CAAP1: variants seen among roughly 807,000 people sequenced by gnomAD.
CAAP1 encodes conserved anti-apoptotic protein.
Under a neutral mutation model 34.0 loss-of-function variants are expected in CAAP1, and 20 were observed. The observed-to-expected ratio is 0.59, with a 90% CI of 0.41 to 0.86. The LOEUF is 0.86. CAAP1 is among the 40% of genes least tolerant of loss of function. The probability of loss-of-function intolerance (pLI) is 0.00; values close to 1 mark genes in which losing one functional copy is unlikely to be tolerated. For missense variants in CAAP1, 538 were observed against 450.5 expected (o/e 1.19, Z -1.76); for synonymous variants, 213 against 166.7 (o/e 1.28, Z -2.14).
At chr9:26,869,251 C>T (rs899040027) in intron 4 of CAAP1, among the ~76,000 whole-genome samples, 15 of 151,926 alleles carry the variant, frequency 9.9e-5, no homozygotes, top group Admixed American at 6.6e-4. Flanking sequence ...TTTTATTTAA[C>T]TCAGATAGAA....
At chr9:26,842,724 A>C in intron 5 of CAAP1, 77 bp from the exon 6 acceptor site, 1 of 1,262,826 alleles carries the variant, frequency 7.9e-7, no homozygotes, top group Non-Finnish European at 1.1e-6. Context: ...TATAATTTAA[A>C]AACTGCTTTG....
chr9:26,869,023 AT>A (rs1231036625), intron 4 of CAAP1, among the ~76,000 whole-genome samples: 1 of 152,188 alleles, frequency 6.6e-6, no homozygotes, highest in Non-Finnish European at 1.5e-5. Flanking sequence ...AAATATTAAA[AT>A]TAAAAAATTA....
rs11787962 is a variant in CAAP1 at position 26,881,729 on chromosome 9, C to T, written c.665+3081G>A. Among the ~76,000 whole-genome samples, 1,074 of 152,144 alleles carry T rather than the reference C, an allele frequency of 7.1e-3. 6 individuals carry two copies. The highest frequency in any genetic ancestry group is 0.011 in the Non-Finnish European group (782 of 68,018). ...AGTGGGGCACTGCTGTACAAATACA[C>T]GAAAATGTGAAAGTAACTTTGGAAC... On this transcript the variant is annotated intron_variant, in intron 4 of 5. Transcript: ENST00000333916.
chr9:26,872,783 T>C (rs1823312597), intron 4 of CAAP1, among the ~76,000 whole-genome samples: 1 of 152,148 alleles, frequency 6.6e-6, no homozygotes, highest in Non-Finnish European at 1.5e-5. Flanking sequence ...TACTAGATAT[T>C]TAAATATTCT....
chr9:26,880,131 C>A, intron 4 of CAAP1: 1 of 201,086 alleles, frequency 5.0e-6, no homozygotes, highest in South Asian at 6.3e-5. Context: ...TGTAATGTTT[C>A]CCATCACAGT....
In CAAP1 at chr9:26,884,835, T is replaced by C; in HGVS notation, c.640A>G (p.Lys214Glu). 1 of 1,609,712 alleles carries C rather than the reference T, an allele frequency of 6.2e-7. No individual in the cohort carries two copies. The highest frequency in any genetic ancestry group is 8.5e-7 in the Non-Finnish European group (1 of 1,179,262). The stretch of plus-strand genomic sequence containing the variant: ...TGACTGACTAAATCAGATCCCATCT[T>C]AGAACCATCATCTGCTTCCTCTTCC... ...DMEEEADDGS[K>E]MGSDLVSQQD... Residue 214 changes from lysine to glutamate, a missense_variant, in exon 4 of 6, where the codon AAG (lysine) becomes GAG (glutamate). Lys to Glu is a moderately conservative substitution (Grantham distance 56). Around this residue, in one of 3 missense-constraint regions of CAAP1, gnomAD observed 514 missense variants for 408.4 expected, o/e 1.26. Transcript: ENST00000333916.
At chr9:26,845,947 GA>G (rs1210020760) in intron 5 of CAAP1, among the ~76,000 whole-genome samples, 1 of 151,818 alleles carries the variant, frequency 6.6e-6, no homozygotes, top group Non-Finnish European at 1.5e-5. Flanking sequence ...CTTTTTCTTT[GA>G]TATAAAATGG....
rs758688957 is a variant in CAAP1, at chr9:26,842,601, A to G, written c.786T>C (p.Tyr262=). 2.7e-5 allele frequency: 43 copies of G among 1,614,002 alleles called. No individual in the cohort carries two copies. The highest frequency in any genetic ancestry group is 3.5e-5 in the Non-Finnish European group (41 of 1,180,028). ...TGCATGGGCCTTCTATGTCGCTGTCATAAGCATCTGCATTTATACTGAGTA... is the reference window on the plus strand; with the variant it reads ...TGCATGGGCCTTCTATGTCGCTGTCGTAAGCATCTGCATTTATACTGAGTA... The part of the protein sequence containing the change: ...SDVLSINADA[Y]DSDIEGPCNE... The change falls in exon 6 of 6, where the codon TAT becomes TAC. Residue 262 remains tyrosine, a synonymous_variant. Transcript: ENST00000333916.
intron 4 of CAAP1, chr9:26,880,121 T>C (rs1416477701): frequency 2.0e-5 from 4 of 204,864 alleles, no homozygotes; most frequent in Admixed American, 1.2e-4. Flanking sequence ...TTTTAGAGAA[T>C]GTAATGTTTC....
At chr9:26,878,366 T>C (rs770676274) in intron 4 of CAAP1, among the ~76,000 whole-genome samples, 9 of 152,160 alleles carry the variant, frequency 5.9e-5, no homozygotes, top group Non-Finnish European at 1.3e-4. Flanking sequence ...GGTCAATTCC[T>C]TGGCGCTCAG....
chr9:26,875,042 A>G (rs111623328), intron 4 of CAAP1, among the ~76,000 whole-genome samples: 1,941 of 152,294 alleles, frequency 0.013, 43 homozygotes, highest in African/African-American at 0.044. Context: ...ACACACACGT[A>G]TATGTACACC....
rs186658194 is a variant in CAAP1, at chr9:26,860,125, A to C, written c.739+941T>G. 4.4e-4 allele frequency among the ~76,000 whole-genome samples: 67 copies of C among 152,334 alleles called. No homozygotes were observed. In the East Asian group the frequency reaches 0.012, roughly 26 times the overall value. On this transcript the variant is annotated intron_variant, in intron 5 of 5. Coordinates refer to ENST00000333916, the MANE Select transcript of CAAP1 (RefSeq NM_024828.4). ...ATAACTTAATCTTCTTGGATGCAAC[A>C]AATTTTTACTGTTCTGAATTAATTT... is the stretch of plus-strand genomic sequence containing the variant.
At chr9:26,847,283 C>T (rs1375133648) in intron 5 of CAAP1, among the ~76,000 whole-genome samples, 2 of 124,788 alleles carry the variant, frequency 1.6e-5, no homozygotes, top group East Asian at 2.4e-4. Context: ...GGCGCGATCT[C>T]GGCTCACTGC....
At chr9:26,867,170 A>G (rs1034209161) in intron 4 of CAAP1, among the ~76,000 whole-genome samples, 4 of 152,154 alleles carry the variant, frequency 2.6e-5, no homozygotes, top group Non-Finnish European at 5.9e-5. Flanking sequence ...TCCCTGATGG[A>G]AAAATCTTCT....
intron 4 of CAAP1, among the ~76,000 whole-genome samples, chr9:26,877,289 T>C (rs1319514076): frequency 1.3e-5 from 2 of 151,782 alleles, no homozygotes. Flanking sequence ...TATTCCAAAA[T>C]CTGAAAAAAA....
intron 4 of CAAP1, among the ~76,000 whole-genome samples, chr9:26,863,532 C>T (rs146923370): frequency 1.3e-3 from 196 of 151,992 alleles, no homozygotes; most frequent in African/African-American, 4.4e-3. Context: ...GTGTACAGGT[C>T]TTTTTATTTC....
At chr9:26,889,460 T>C (rs528893658) in intron 1 of CAAP1, among the ~76,000 whole-genome samples, 69 of 152,134 alleles carry the variant, frequency 4.5e-4, no homozygotes, top group Non-Finnish European at 7.8e-4. Flanking sequence ...GTAGTGACGG[T>C]TGTACAACTC....
chr9:26,880,398 T>C, intron 4 of CAAP1: 1 of 280,274 alleles, frequency 3.6e-6, no homozygotes. Context: ...ACAACTGATT[T>C]CATGGAGTGC....
intron 4 of CAAP1, among the ~76,000 whole-genome samples, chr9:26,867,610 C>T (rs1823169447): frequency 6.6e-6 from 1 of 152,054 alleles, no homozygotes; most frequent in East Asian, 1.9e-4. Flanking sequence ...TAGGTATTAG[C>T]ATTATCTGTG....
Sources: allele counts gnomAD v4.1 joint callset (sites outside exome capture counted in the v4.1 genomes callset), GRCh38; gene constraint gnomAD v4.1.1; regional missense constraint gnomAD v4.1.1; transcripts MANE v1.5; gene names NCBI Gene and HGNC (gene_info 2026-07-23, HGNC 2026-07-21).